Variants in DUSP22 observed in about 807,000 individuals in gnomAD.
DUSP22 encodes dual specificity protein phosphatase 22.
In DUSP22, 24 loss-of-function variants were observed where a neutral mutation model predicts 24.5. That is an observed-to-expected ratio of 0.98 (90% confidence interval 0.71 to 1.38). The LOEUF (loss-of-function observed/expected upper bound fraction) is 1.38. Ranked by LOEUF, DUSP22 falls within the 40% of genes most tolerant of loss-of-function variation. The probability of loss-of-function intolerance (pLI) is 0.00; values close to 1 mark genes in which losing one functional copy is unlikely to be tolerated. For synonymous variants in DUSP22, 160 were observed against 106.4 expected (o/e 1.50, Z -3.10); for missense variants, 330 against 269.2 (o/e 1.23, Z -1.58).
chr6:305,425 C>T (rs936442611), intron 2 of DUSP22, among the ~76,000 whole-genome samples: 1 of 152,308 alleles, frequency 6.6e-6, no homozygotes, highest in African/African-American at 2.4e-5. Context: ...TTACAACTTT[C>T]ATTTTTTAGT....
At chr6:343,287 C>T (rs1455835895) in intron 4 of DUSP22, among the ~76,000 whole-genome samples, 1 of 152,300 alleles carries the variant, frequency 6.6e-6, no homozygotes, top group African/African-American at 2.4e-5. Context: ...GAAGTGGCTC[C>T]AGACTGCTGG....
At chr6:337,950 G>C (rs1759434077) in intron 4 of DUSP22, 3 of 152,772 alleles carry the variant, frequency 2.0e-5, no homozygotes, top group African/African-American at 7.2e-5. Flanking sequence ...TTAGGGGTTA[G>C]GTAGGTGTGG....
intron 3 of DUSP22, among the ~76,000 whole-genome samples, chr6:321,501 C>T (rs1225556318): frequency 2.0e-5 from 3 of 152,420 alleles, no homozygotes; most frequent in African/African-American, 4.8e-5. Flanking sequence ...TGATGAGGGT[C>T]TGAACTGGGA....
intron 2 of DUSP22, among the ~76,000 whole-genome samples, chr6:311,023 G>A (rs1208687123): frequency 6.6e-6 from 1 of 152,306 alleles, no homozygotes; most frequent in Non-Finnish European, 1.5e-5. Context: ...GTTGCCTTGG[G>A]GAGTGCCCCG....
intron 1 of DUSP22, among the ~76,000 whole-genome samples, chr6:296,211 G>T (rs373329006): frequency 6.6e-5 from 10 of 152,404 alleles, no homozygotes; most frequent in African/African-American, 1.9e-4. Context: ...TTTTGTTTGT[G>T]TGTGCAATTC....
rs200464684 is a variant in DUSP22, at chr6:337,350, G to A, written c.188+2187G>A. Among the ~76,000 whole-genome samples, 35 of 152,398 alleles carry A rather than the reference G, an allele frequency of 2.3e-4. No individual in the cohort carries two copies. In the East Asian group the frequency reaches 5.8e-3, roughly 25 times the overall value. ...GCATGTATGTGAAGGTGTTTTCTGC[G>A]AACTCTGAGCACTTGTAAAACTGAG... On this transcript the variant is annotated intron_variant, in intron 4 of 6. Transcript: ENST00000419235.
At chr6:313,218 A>G (rs1365908711) in intron 3 of DUSP22, among the ~76,000 whole-genome samples, 1 of 152,422 alleles carries the variant, frequency 6.6e-6, no homozygotes, top group East Asian at 1.9e-4. Flanking sequence ...GGTTTCCTTT[A>G]TTTTAATAAA....
chr6:340,073 T>G (rs1325662061), intron 4 of DUSP22, among the ~76,000 whole-genome samples: 3 of 152,302 alleles, frequency 2.0e-5, no homozygotes, highest in African/African-American at 7.2e-5. Flanking sequence ...TTCTTTTTGT[T>G]GTTGAAATAT....
At chr6:329,842 C>G (rs1332048841) in intron 3 of DUSP22, among the ~76,000 whole-genome samples, 1 of 152,252 alleles carries the variant, frequency 6.6e-6, no homozygotes, top group Non-Finnish European at 1.5e-5. Context: ...GTGTGTTTCT[C>G]ATCATAGTGT....
At chr6:341,113 T>C (rs1759586060) in intron 4 of DUSP22, among the ~76,000 whole-genome samples, 1 of 152,308 alleles carries the variant, frequency 6.6e-6, no homozygotes, top group Admixed American at 6.5e-5. Context: ...GTGCCCCTGC[T>C]GCAAGGACCG....
intron 3 of DUSP22, among the ~76,000 whole-genome samples, chr6:332,465 T>C (rs1394915583): frequency 6.6e-6 from 1 of 152,298 alleles, no homozygotes; most frequent in African/African-American, 2.4e-5. Context: ...GACAAGGTGC[T>C]CCTGCCTCAT....
In DUSP22 at chr6:351,124, T is replaced by G; in HGVS notation, c.*2173T>G. On this transcript the variant is annotated 3_prime_UTR_variant, in exon 7 of 7. Transcript: ENST00000419235. ...GATGCCTGTAAGGATCCCGGGAGCC[T>G]TGCCGCACTGCCTTGTGGGTGGCTT... is the stretch of plus-strand genomic sequence containing the variant. 1 of 578,630 alleles carries G rather than the reference T, an allele frequency of 1.7e-6. No individual in the cohort carries two copies. The highest frequency in any genetic ancestry group is 2.9e-6 in the Non-Finnish European group (1 of 340,532). 35.8% of individuals were successfully genotyped at this position (578,630 alleles called of 1,614,324 possible). A position where few individuals can be genotyped will look rare whatever the true frequency, so the allele number is the denominator to read the frequency against.
chr6:316,155 C>A (rs1758327169), intron 3 of DUSP22, among the ~76,000 whole-genome samples: 1 of 152,302 alleles, frequency 6.6e-6, no homozygotes, highest in Non-Finnish European at 1.5e-5. Context: ...TTTAGTGCCT[C>A]TATGGCTTAA....
At chr6:334,975 C>A in intron 3 of DUSP22, 139 bp from the exon 4 acceptor site, 1 of 1,025,244 alleles carries the variant, frequency 9.8e-7, no homozygotes, top group South Asian at 1.7e-5. Context: ...TCTGCAGTTC[C>A]TTGGCAACAA....
chr6:348,898 A>G lies in DUSP22; in HGVS notation c.565A>G (p.Ser189Gly), dbSNP rs1252496207. The G allele has an allele frequency of 6.2e-7, 1 of 1,613,872 alleles. No individual in the cohort carries two copies. Among genetic ancestry groups the G allele is most frequent in the African/African-American group, 1.3e-5 (1 of 74,964 alleles). The stretch of plus-strand genomic sequence containing the variant: ...CCAGCCCGGCGCCAGGCGGTGGAGC[A>G]GTTTTCCGGCACTGGCTCCGCTGAC... ...EPQPGARRWS[S>G]FPALAPLTYD... The change falls in exon 7 of 7, where the codon AGT becomes GGT. Residue 189 changes from serine to glycine, a missense_variant. By Grantham distance (56) the Ser-to-Gly change is moderately conservative (BLOSUM62 0). Coordinates refer to ENST00000419235, the MANE Select transcript of DUSP22 (RefSeq NM_001286555.3).
chr6:299,618 G>A (rs1757492459), intron 1 of DUSP22, among the ~76,000 whole-genome samples: 1 of 152,308 alleles, frequency 6.6e-6, no homozygotes, highest in African/African-American at 2.4e-5. Context: ...CTCCTGGTCT[G>A]AAACATGAAG....
intron 2 of DUSP22, among the ~76,000 whole-genome samples, chr6:309,265 T>C (rs948714799): frequency 2.0e-5 from 3 of 152,298 alleles, no homozygotes; most frequent in East Asian, 1.9e-4. Flanking sequence ...ACTGCTATTA[T>C]ATTATAGACG....
At chr6:331,944 C>A (rs928044428) in intron 3 of DUSP22, among the ~76,000 whole-genome samples, 7 of 152,306 alleles carry the variant, frequency 4.6e-5, no homozygotes, top group Non-Finnish European at 1.0e-4. Context: ...CGCTGGTGTC[C>A]CTTGAGCATG....
At chr6:305,764 C>T (rs1757791491) in intron 2 of DUSP22, among the ~76,000 whole-genome samples, 1 of 152,302 alleles carries the variant, frequency 6.6e-6, no homozygotes, top group Admixed American at 6.5e-5. Flanking sequence ...ACCTGGGAAG[C>T]TTGCAGGCAG....
Sources: gnomAD v4.1 joint callset for allele counts (sites outside exome capture counted in the v4.1 genomes callset) on GRCh38, gnomAD v4.1.1 for gene constraint, MANE v1.5 for transcripts, NCBI Gene and HGNC (gene_info 2026-07-23, HGNC 2026-07-21) for gene names.